Variants in FBP2 observed in about 807,000 individuals in gnomAD.
The protein encoded by FBP2 is fructose-1,6-bisphosphatase isozyme 2.
FBP2 carries 27 observed loss-of-function variants against 31.6 expected under a neutral mutation model. The observed-to-expected ratio is 0.85, with a 90% CI of 0.63 to 1.18. The LOEUF (loss-of-function observed/expected upper bound fraction) is 1.18, where lower values mean the gene tolerates loss of function less well. Ranked by LOEUF, FBP2 falls within the 50% of genes most tolerant of loss-of-function variation. The probability of loss-of-function intolerance (pLI) is 0.00; values close to 1 mark genes in which losing one functional copy is unlikely to be tolerated. For missense variants in FBP2, 421 were observed against 436.1 expected, an observed-to-expected ratio of 0.97 and a Z score of 0.31; for synonymous variants, 168 against 179.8, an observed-to-expected ratio of 0.93 and a Z score of 0.53.
intron 3 of FBP2, among the ~76,000 whole-genome samples, chr9:94,579,939 G>T (rs1827358649): frequency 1.3e-5 from 2 of 152,142 alleles, no homozygotes; most frequent in Non-Finnish European, 2.9e-5. Context: ...TCCTTGATAT[G>T]TCTAAATTTG....
chr9:94,563,268 A>G, intron 6 of FBP2, 74 bp downstream of exon 6: 1 of 1,539,630 alleles, frequency 6.5e-7, no homozygotes, highest in Admixed American at 1.8e-5. Context: ...CAGTAGCCAA[A>G]CAGCAGGTGT....
chr9:94,581,266 C>G (rs1827369982), intron 3 of FBP2, among the ~76,000 whole-genome samples: 1 of 152,090 alleles, frequency 6.6e-6, no homozygotes, highest in Non-Finnish European at 1.5e-5. Context: ...CTTATGGGAT[C>G]AAATTAATTC....
At chr9:94,578,190 T>A (rs1051041028) in intron 3 of FBP2, among the ~76,000 whole-genome samples, 1 of 152,214 alleles carries the variant, frequency 6.6e-6, no homozygotes, top group Non-Finnish European at 1.5e-5. Context: ...CACAGAGTAA[T>A]CTTTGTGTAA....
rs756412826 is a variant in FBP2, at chr9:94,563,331, G to A, written c.825+11C>T. 3 of 1,613,384 alleles carry A rather than the reference G, an allele frequency of 1.9e-6. No homozygotes were observed. Among genetic ancestry groups the A allele is most frequent in the South Asian group, 1.1e-5 (1 of 90,980 alleles). On this transcript the variant is annotated intron_variant, in intron 6 of 6. Coordinates refer to ENST00000375337, the MANE Select transcript of FBP2 (RefSeq NM_003837.4). ...GACCGGATGCACAGCCAGTGGACAA[G>A]GGAGAATTACCTTGCCCTTAGGGCT...
chr9:94,560,730 A>G (rs1386617110), intron 6 of FBP2, among the ~76,000 whole-genome samples: 2 of 147,780 alleles, frequency 1.4e-5, no homozygotes, highest in African/African-American at 4.9e-5. Flanking sequence ...TATATAATAT[A>G]TATTTACATA....
intron 3 of FBP2, among the ~76,000 whole-genome samples, chr9:94,572,581 T>C (rs922578680): frequency 6.6e-6 from 1 of 152,192 alleles, no homozygotes; most frequent in African/African-American, 2.4e-5. Context: ...TTCACGGGCT[T>C]AGTGTCTGAC....
chr9:94,573,168 A>C (rs751856775), intron 3 of FBP2: 8 of 152,336 alleles, frequency 5.3e-5, no homozygotes, highest in Non-Finnish European at 8.8e-5. Flanking sequence ...TTAGAGTATA[A>C]GCATTCAGTC....
In FBP2 at chr9:94,571,507, CACCAGGGTTGCACT is replaced by C. The variant is rs1267480078; in HGVS notation, c.508_521del (p.Ser170GlyfsTer14). 1.9e-6 allele frequency: 3 copies of C among 1,613,962 alleles called. No individual in the cohort carries two copies. The African/African-American group carries it at 4.0e-5, about 22-fold the overall frequency. Reference sequence around the variant, plus strand: ...CCACGCCTTGCCCTGTGGAGAGAGCCACCAGGGTTGCACTACCGTACAGCGCATAACCTGCGGCC... The same window carrying C: ...CCACGCCTTGCCCTGTGGAGAGAGCCACCGTACAGCGCATAACCTGCGGCC... On this transcript the variant is annotated frameshift_variant, in exon 4 of 7. Transcript: ENST00000375337. LOFTEE classifies it high-confidence loss of function.
chr9:94,580,008 A>C (rs1455243258), intron 3 of FBP2, among the ~76,000 whole-genome samples: 1 of 152,218 alleles, frequency 6.6e-6, no homozygotes, highest in Non-Finnish European at 1.5e-5. Flanking sequence ...TCCCTGATAC[A>C]CTCACAGTTT....
At chr9:94,590,703 T>G (rs1055400766) in intron 1 of FBP2, among the ~76,000 whole-genome samples, 1 of 152,172 alleles carries the variant, frequency 6.6e-6, no homozygotes, top group Non-Finnish European at 1.5e-5. Flanking sequence ...GAACAAAGCC[T>G]CCACAGTGTG....
At chr9:94,564,564 G>A (rs987377422) in intron 5 of FBP2, among the ~76,000 whole-genome samples, 60 of 152,258 alleles carry the variant, frequency 3.9e-4, no homozygotes, top group African/African-American at 1.3e-3. Context: ...ACGGAAATAG[G>A]AAACCAAATG....
intron 3 of FBP2, among the ~76,000 whole-genome samples, chr9:94,574,556 A>G (rs577759598): frequency 1.3e-5 from 2 of 152,202 alleles, no homozygotes; most frequent in East Asian, 3.9e-4. Flanking sequence ...AATGTCTTGT[A>G]TATGTCACAA....
At chr9:94,562,258 C>T (rs1440875972) in intron 6 of FBP2, among the ~76,000 whole-genome samples, 1 of 147,996 alleles carries the variant, frequency 6.8e-6, no homozygotes, top group Non-Finnish European at 1.5e-5. Context: ...TGCAGTGAGC[C>T]TAGATGGTGC....
In FBP2 at chr9:94,593,782, G is replaced by C; in HGVS notation, c.-56C>G. 6.3e-7 allele frequency: 1 copy of C among 1,588,116 alleles called. No individual in the cohort carries two copies. The highest frequency in any genetic ancestry group is 1.1e-5 in the South Asian group (1 of 87,814). On this transcript the variant is annotated 5_prime_UTR_variant, in exon 1 of 7. Coordinates refer to ENST00000375337, the MANE Select transcript of FBP2 (RefSeq NM_003837.4). Reference sequence around the variant, plus strand: ...CCGGCAGGAAACCTTGCTTACTTCTGAGGGCTGCAGCTCCGCAGTGTGGAA... The same window carrying C: ...CCGGCAGGAAACCTTGCTTACTTCTCAGGGCTGCAGCTCCGCAGTGTGGAA...
In FBP2 at chr9:94,560,699, T is replaced by C. The variant is rs534447037; in HGVS notation, c.826-1567A>G. On this transcript the variant is annotated intron_variant, in intron 6 of 6. Transcript: ENST00000375337. ...AATTTTTTTCTATTTTTCTATTATA[T>C]ATTTATATGTTATTATATATTATAT... Among the ~76,000 whole-genome samples the C allele has an allele frequency of 5.4e-5, 8 of 148,070 alleles. No individual in the cohort carries two copies. The East Asian group carries it at 1.6e-3, about 29-fold the overall frequency.
In FBP2 at chr9:94,567,158, G is replaced by C. The variant is rs1268651279; in HGVS notation, c.705+112C>G. On this transcript the variant is annotated intron_variant, in intron 5 of 6. Coordinates refer to ENST00000375337, the MANE Select transcript of FBP2 (RefSeq NM_003837.4). ...GTCCATCATCTTCATACTGACCACA[G>C]CCATAAACAGTGGCACCAACCTCTT... The C allele has an allele frequency of 4.7e-6, 5 of 1,055,394 alleles. No homozygotes were observed. In the African/African-American group the frequency reaches 8.0e-5, roughly 17 times the overall value. The allele number at this position is 1,055,394 out of a possible 1,614,324, so 65.4% of individuals were successfully genotyped here. A position where few individuals can be genotyped will look rare whatever the true frequency, so the allele number is the denominator to read the frequency against.
At position 94,571,860 on chromosome 9, in the gene FBP2, C is replaced by T. The variant is rs553145699; in HGVS notation, c.427-258G>A. 4.1e-4 allele frequency among the ~76,000 whole-genome samples: 62 copies of T among 152,296 alleles called. No individual in the cohort carries two copies. In the South Asian group the frequency reaches 0.013, roughly 31 times the overall value. On this transcript the variant is annotated intron_variant, in intron 3 of 6. Coordinates refer to ENST00000375337, the MANE Select transcript of FBP2 (RefSeq NM_003837.4). ...TGTCTGTAGCCTGACAAGAAAAGCA[C>T]TCCCAGATGCTAAAACCGTAGCCCC...
At chr9:94,563,613 G>T in intron 5 of FBP2, 152 bp from the exon 6 acceptor site, 1 of 851,816 alleles carries the variant, frequency 1.2e-6, no homozygotes, top group Non-Finnish European at 1.8e-6. Context: ...TTATATAATT[G>T]TGCATTTCAT....
At position 94,567,332 on chromosome 9, in the gene FBP2, C is replaced by T. The variant is rs1827204298; in HGVS notation, c.643G>A (p.Gly215Ser). 6.2e-7 allele frequency: 1 copy of T among 1,614,050 alleles called. No individual in the cohort carries two copies. Among genetic ancestry groups the T allele is most frequent in the East Asian group, 2.2e-5 (1 of 44,894 alleles). The change falls in exon 5 of 7, where the codon GGC becomes AGC. Residue 215 changes from glycine (G) to serine (S), a missense_variant. By Grantham distance (56) the Gly-to-Ser change is moderately conservative. Coordinates refer to ENST00000375337, the MANE Select transcript of FBP2 (RefSeq NM_003837.4). ...GCCGCATCAAAATACTTGGCATAGCCCTCATTCAGGCTGTAAATCTTTCCT... is the reference window on the plus strand; with the variant it reads ...GCCGCATCAAAATACTTGGCATAGCTCTCATTCAGGCTGTAAATCTTTCCT... ...KKGKIYSLNE[G>S]YAKYFDAATT...
Sources: gnomAD v4.1 joint callset for allele counts (sites outside exome capture counted in the v4.1 genomes callset) on GRCh38, gnomAD v4.1.1 for gene constraint, MANE v1.5 for transcripts, NCBI Gene and HGNC (gene_info 2026-07-23, HGNC 2026-07-21) for gene names.